The following UVRAG variants were observed in gnomAD, a reference collection of about 807,000 sequenced individuals.
UVRAG encodes the protein UV radiation resistance-associated gene protein.
Under a neutral mutation model 78.0 loss-of-function variants are expected in UVRAG, and 19 were observed. The ratio of observed to expected loss-of-function variants is 0.24; its 90% CI spans 0.17 to 0.36. UVRAG has a LOEUF of 0.36. Ranked by LOEUF, UVRAG falls within the 10% of genes least tolerant of loss-of-function variation. UVRAG has a pLI of 1.00. For missense variants in UVRAG, 740 were observed against 853.8 expected (o/e 0.87, Z 1.66); for synonymous variants, 323 against 324.6 (o/e 1.00, Z 0.05).
At chr11:75,988,812 A>G (rs978253670) in intron 8 of UVRAG, among the ~76,000 whole-genome samples, 4 of 152,152 alleles carry the variant, frequency 2.6e-5, no homozygotes, top group Non-Finnish European at 5.9e-5. Flanking sequence ...CCTGATAACT[A>G]TTGTGGCTGA....
At position 75,861,697 on chromosome 11, in the gene UVRAG, G is replaced by A. The variant is rs192748481; in HGVS notation, c.236-49G>A. 260 of 1,395,360 alleles carry A rather than the reference G, an allele frequency of 1.9e-4. No individual in the cohort carries two copies. The Admixed American group carries it at 2.9e-3, about 15-fold the overall frequency. The allele number at this position is 1,395,360 out of a possible 1,614,324, so 86.4% of individuals were successfully genotyped here. A position where few individuals can be genotyped will look rare whatever the true frequency, so the allele number is the denominator to read the frequency against. ...TTAGAGGATTAACAGTTGGTTAATG[G>A]GCTTATTTTCTTTCATATCACTTAT... On this transcript the variant is annotated intron_variant, in intron 2 of 14. Transcript: ENST00000356136.
At chr11:76,058,725 T>C (rs1307512841) in intron 12 of UVRAG, among the ~76,000 whole-genome samples, 1 of 152,038 alleles carries the variant, frequency 6.6e-6, no homozygotes, top group Non-Finnish European at 1.5e-5. Context: ...TAAATGAATA[T>C]GGAAACAACT....
At chr11:75,965,244 A>T (rs780374857) in intron 7 of UVRAG, among the ~76,000 whole-genome samples, 12 of 152,198 alleles carry the variant, frequency 7.9e-5, no homozygotes, top group Non-Finnish European at 1.8e-4. Flanking sequence ...TCTTTTACTT[A>T]GATTTCTCTC....
At chr11:75,942,746 G>A (rs1277446203) in intron 6 of UVRAG, among the ~76,000 whole-genome samples, 1 of 152,110 alleles carries the variant, frequency 6.6e-6, no homozygotes, top group East Asian at 1.9e-4. Context: ...GACAAGAAGC[G>A]AATTGTCTAG....
At chr11:76,034,645 C>T (rs1950498464) in intron 12 of UVRAG, among the ~76,000 whole-genome samples, 1 of 152,072 alleles carries the variant, frequency 6.6e-6, no homozygotes, top group South Asian at 2.1e-4. Flanking sequence ...TTTTCATACA[C>T]CAGTTCTGGC....
At chr11:76,073,567 G>A (rs903318590) in intron 13 of UVRAG, among the ~76,000 whole-genome samples, 1 of 152,094 alleles carries the variant, frequency 6.6e-6, no homozygotes, top group Non-Finnish European at 1.5e-5. Flanking sequence ...TTTTTAAATA[G>A]TTTATAATGG....
At chr11:75,968,153 C>T (rs1949060769) in intron 7 of UVRAG, among the ~76,000 whole-genome samples, 1 of 152,190 alleles carries the variant, frequency 6.6e-6, no homozygotes. Context: ...TTGGCATATT[C>T]AACCTATAAT....
At chr11:75,986,741 T>C (rs574571095) in intron 8 of UVRAG, among the ~76,000 whole-genome samples, 28 of 152,292 alleles carry the variant, frequency 1.8e-4, no homozygotes, top group Non-Finnish European at 3.4e-4. Flanking sequence ...AGAAAACTCA[T>C]GTGCATTAGC....
intron 7 of UVRAG, among the ~76,000 whole-genome samples, chr11:75,963,443 GTTAA>G (rs761781229): frequency 9.8e-5 from 15 of 152,344 alleles, no homozygotes; most frequent in Middle Eastern, 3.4e-3. Flanking sequence ...CCATCTACAT[GTTAA>G]TTAGTCAGTC....
At chr11:76,057,157 G>A (rs774877585) in intron 12 of UVRAG, among the ~76,000 whole-genome samples, 15 of 152,208 alleles carry the variant, frequency 9.9e-5, no homozygotes, top group Non-Finnish European at 2.1e-4. Flanking sequence ...TTTATTTCAA[G>A]TGCAGTGGAA....
At chr11:75,885,959 T>C (rs1947068128) in intron 4 of UVRAG, among the ~76,000 whole-genome samples, 1 of 152,150 alleles carries the variant, frequency 6.6e-6, no homozygotes, top group Non-Finnish European at 1.5e-5. Flanking sequence ...ATGACACTCA[T>C]GCAAGGTAGG....
At chr11:76,061,060 T>C (rs1951078903) in intron 12 of UVRAG, among the ~76,000 whole-genome samples, 1 of 152,214 alleles carries the variant, frequency 6.6e-6, no homozygotes, top group Non-Finnish European at 1.5e-5. Flanking sequence ...AACCTTTATG[T>C]CTAGCTAAGG....
At chr11:75,965,188 A>G (rs1948993461) in intron 7 of UVRAG, among the ~76,000 whole-genome samples, 1 of 152,230 alleles carries the variant, frequency 6.6e-6, no homozygotes, top group Non-Finnish European at 1.5e-5. Context: ...GAGAATTGCT[A>G]TCTTAACAAT....
chr11:75,955,303 A>G (rs774372092), intron 6 of UVRAG, among the ~76,000 whole-genome samples: 3 of 152,200 alleles, frequency 2.0e-5, no homozygotes, highest in Non-Finnish European at 4.4e-5. Flanking sequence ...TCCCATGAAC[A>G]AAATAGCTGT....
At chr11:75,840,105 G>T (rs891819845) in intron 1 of UVRAG, among the ~76,000 whole-genome samples, 1 of 151,548 alleles carries the variant, frequency 6.6e-6, no homozygotes, top group African/African-American at 2.4e-5. Flanking sequence ...GGTCATCCTG[G>T]GTAACTGTGT....
At chr11:76,094,703 A>G (rs1464857068) in intron 13 of UVRAG, among the ~76,000 whole-genome samples, 1 of 151,842 alleles carries the variant, frequency 6.6e-6, no homozygotes. Flanking sequence ...ATCGGTGGTG[A>G]TATCCCCTTT....
At chr11:75,999,252 G>GATAA (rs61476441) in intron 8 of UVRAG, among the ~76,000 whole-genome samples, 7 of 147,870 alleles carry the variant, frequency 4.7e-5, no homozygotes, top group Admixed American at 2.7e-4. Context: ...AAAAAAAAAA[G>GATAA]TCAACTTTCT....
chr11:76,025,549 GC>G (rs1407730383), intron 12 of UVRAG, among the ~76,000 whole-genome samples: 1 of 152,102 alleles, frequency 6.6e-6, no homozygotes, highest in African/African-American at 2.4e-5. Flanking sequence ...AAGATGGTCA[GC>G]CATTTTTCTG....
At chr11:76,077,380 C>T (rs1951423040) in intron 13 of UVRAG, among the ~76,000 whole-genome samples, 1 of 152,000 alleles carries the variant, frequency 6.6e-6, no homozygotes, top group Non-Finnish European at 1.5e-5. Context: ...ATGTGCTAGA[C>T]ATTTTTAATG....
Sources: allele counts gnomAD v4.1 joint callset (sites outside exome capture counted in the v4.1 genomes callset), GRCh38; gene constraint gnomAD v4.1.1; transcripts MANE v1.5; gene names NCBI Gene and HGNC (gene_info 2026-07-23, HGNC 2026-07-21).